Variants in LRRTM4 observed in about 807,000 individuals in gnomAD.
The protein encoded by LRRTM4 is leucine rich repeat transmembrane neuronal 4, also known as leucine-rich repeat transmembrane neuronal protein 4.
A neutral mutation model predicts 47.6 loss-of-function variants in LRRTM4; 25 were observed. That is an observed-to-expected ratio of 0.53 (90% CI 0.38 to 0.73). LRRTM4 has a LOEUF of 0.73. Among genes scored for constraint, LRRTM4 ranks in the 30% least tolerant of loss-of-function variants. The pLI, the probability that LRRTM4 is intolerant of heterozygous loss-of-function variation, is 0.00. For synonymous variants in LRRTM4, 311 were observed against 269.5 expected (o/e 1.15, Z -1.51); for missense variants, 638 against 713.4 (o/e 0.89, Z 1.20).
chr2:77,274,871 A>T (rs1676299849), intron 3 of LRRTM4, among the ~76,000 whole-genome samples: 1 of 152,186 alleles, frequency 6.6e-6, no homozygotes, highest in African/African-American at 2.4e-5. Context: ...GTGTAGCTTG[A>T]AGAAGAAACA....
chr2:77,398,535 AATTAC>A (rs750862336), intron 3 of LRRTM4, among the ~76,000 whole-genome samples: 14 of 151,890 alleles, frequency 9.2e-5, no homozygotes, highest in Non-Finnish European at 1.6e-4. Flanking sequence ...TTTGATGATG[AATTAC>A]AGAACAACTT....
intron 3 of LRRTM4, among the ~76,000 whole-genome samples, chr2:76,955,497 A>G (rs1675641873): frequency 6.6e-6 from 1 of 151,840 alleles, no homozygotes; most frequent in Non-Finnish European, 1.5e-5. Flanking sequence ...AAAGTATGTC[A>G]CTACTAAGAA....
intron 3 of LRRTM4, among the ~76,000 whole-genome samples, chr2:77,126,688 T>A (rs1004856428): frequency 7.9e-5 from 12 of 152,324 alleles, no homozygotes; most frequent in Admixed American, 5.9e-4. Flanking sequence ...TGTCAGGTCA[T>A]TCCTGGAAAG....
At chr2:76,941,487 C>G (rs1038639987) in intron 3 of LRRTM4, among the ~76,000 whole-genome samples, 6 of 151,922 alleles carry the variant, frequency 3.9e-5, no homozygotes, top group African/African-American at 1.5e-4. Context: ...CCAACAACCC[C>G]CAGTATGTTA....
intron 3 of LRRTM4, among the ~76,000 whole-genome samples, chr2:76,779,609 G>A (rs1674234026): frequency 6.7e-6 from 1 of 150,136 alleles, no homozygotes; most frequent in Non-Finnish European, 1.5e-5. Flanking sequence ...TTTTCCATTG[G>A]CTTGGTAGAT....
intron 3 of LRRTM4, among the ~76,000 whole-genome samples, chr2:77,305,897 A>G (rs1027108744): frequency 6.6e-6 from 1 of 152,142 alleles, no homozygotes; most frequent in African/African-American, 2.4e-5. Context: ...TCAGCATACA[A>G]TATTTTGAAG....
intron 3 of LRRTM4, among the ~76,000 whole-genome samples, chr2:77,144,300 T>C (rs1672199534): frequency 6.6e-6 from 1 of 152,004 alleles, no homozygotes; most frequent in Non-Finnish European, 1.5e-5. Flanking sequence ...ACCTGAAAAC[T>C]GCTTGCTAAC....
chr2:76,882,136 C>G (rs1408697539), intron 3 of LRRTM4, among the ~76,000 whole-genome samples: 1 of 151,948 alleles, frequency 6.6e-6, no homozygotes, highest in Admixed American at 6.6e-5. Context: ...GAATTTCAGG[C>G]TAAGTTTTGT....
chr2:77,463,748 A>G (rs1302870462), intron 3 of LRRTM4, among the ~76,000 whole-genome samples: 1 of 152,132 alleles, frequency 6.6e-6, no homozygotes, highest in South Asian at 2.1e-4. Context: ...TACATATTTT[A>G]TCATAGTTGC....
chr2:76,826,552 CAA>C lies in LRRTM4; in HGVS notation c.1552-77638_1552-77637del, dbSNP rs553990402. Among the ~76,000 whole-genome samples the C allele has an allele frequency of 1.7e-4, 26 of 151,646 alleles. No homozygotes were observed. In the South Asian group the frequency reaches 5.4e-3, roughly 32 times the overall value. Reference sequence around the variant, plus strand: ...TACATAGAAAAAATACATATATATGCAAAGAGTGGATTTTGAAATTTATCTGT... The same window carrying C: ...TACATAGAAAAAATACATATATATGCAGAGTGGATTTTGAAATTTATCTGT... On this transcript the variant is annotated intron_variant, in intron 3 of 3. Transcript: ENST00000409884.
intron 3 of LRRTM4, among the ~76,000 whole-genome samples, chr2:76,789,778 C>T (rs1282548504): frequency 1.3e-5 from 2 of 152,162 alleles, no homozygotes; most frequent in African/African-American, 2.4e-5. Context: ...ATGGAAGTCA[C>T]AGAGAACAAA....
intron 3 of LRRTM4, among the ~76,000 whole-genome samples, chr2:77,108,119 A>G (rs1335964940): frequency 6.6e-6 from 1 of 152,146 alleles, no homozygotes; most frequent in Non-Finnish European, 1.5e-5. Context: ...GACTTGGAAA[A>G]ATATTTAAAT....
At chr2:76,980,015 A>G (rs1351096885) in intron 3 of LRRTM4, among the ~76,000 whole-genome samples, 13 of 152,132 alleles carry the variant, frequency 8.5e-5, no homozygotes, top group African/African-American at 2.9e-4. Flanking sequence ...GTAGCTCTAG[A>G]CCCAAGTTCA....
intron 3 of LRRTM4, among the ~76,000 whole-genome samples, chr2:77,486,488 C>T (rs1336942806): frequency 6.6e-6 from 1 of 151,934 alleles, no homozygotes; most frequent in Non-Finnish European, 1.5e-5. Context: ...AAACACACGG[C>T]ATAATTGTGG....
At chr2:76,875,557 T>C (rs771548124) in intron 3 of LRRTM4, among the ~76,000 whole-genome samples, 1 of 152,108 alleles carries the variant, frequency 6.6e-6, no homozygotes, top group Non-Finnish European at 1.5e-5. Flanking sequence ...TGTCTATCCA[T>C]TTTGCCATTG....
chr2:77,038,283 T>C lies in LRRTM4; in HGVS notation c.1552-289367A>G, dbSNP rs140420440. 1.1e-3 allele frequency among the ~76,000 whole-genome samples: 165 copies of C among 151,708 alleles called. 2 individuals carry two copies. In the East Asian group the frequency reaches 0.019, roughly 17 times the overall value. On this transcript the variant is annotated intron_variant, in intron 3 of 3. Coordinates refer to ENST00000409884, the MANE Select transcript of LRRTM4 (RefSeq NM_001134745.3). ...GCATTAAAAATTCAGCATTTGAAAT[T>C]TGCCTAATAGATTACTATTTGCTGT...
chr2:77,505,952 A>C (rs540787705), intron 3 of LRRTM4, among the ~76,000 whole-genome samples: 27 of 151,624 alleles, frequency 1.8e-4, no homozygotes, highest in Non-Finnish European at 3.0e-4. Context: ...TGTTCAGGGA[A>C]GAGAGAGCGA....
At chr2:76,757,520 G>A (rs866366771) in intron 3 of LRRTM4, among the ~76,000 whole-genome samples, 2 of 152,064 alleles carry the variant, frequency 1.3e-5, no homozygotes, top group Admixed American at 1.3e-4. Flanking sequence ...TATTCAGTGA[G>A]GTTTTAGGCT....
At chr2:77,075,071 T>G (rs994983044) in intron 3 of LRRTM4, among the ~76,000 whole-genome samples, 7 of 152,134 alleles carry the variant, frequency 4.6e-5, no homozygotes, top group Non-Finnish European at 1.0e-4. Flanking sequence ...GCATAAAAAT[T>G]TAAGATTTAT....
Sources: allele counts gnomAD v4.1 joint callset (sites outside exome capture counted in the v4.1 genomes callset), GRCh38; gene constraint gnomAD v4.1.1; transcripts MANE v1.5; gene names NCBI Gene and HGNC (gene_info 2026-07-23, HGNC 2026-07-21).